GLUD1: variants seen among roughly 807,000 people sequenced by gnomAD.
The protein encoded by GLUD1 is glutamate dehydrogenase 1.
A neutral mutation model predicts 56.0 loss-of-function variants in GLUD1; 22 were observed. The observed-to-expected ratio is 0.39, with a 90% CI of 0.28 to 0.56. The LOEUF is 0.56. Ranked by LOEUF, GLUD1 falls within the 20% of genes least tolerant of loss-of-function variation. The pLI, the probability that GLUD1 is intolerant of heterozygous loss-of-function variation, is 0.58. For synonymous variants in GLUD1, 223 were observed against 269.9 expected, an observed-to-expected ratio of 0.83 and a Z score of 1.70; for missense variants, 451 against 732.0, an observed-to-expected ratio of 0.62 and a Z score of 4.43.
chr10:87,084,598 A>G (rs952620264), intron 1 of GLUD1, among the ~76,000 whole-genome samples: 5 of 152,226 alleles, frequency 3.3e-5, no homozygotes, highest in African/African-American at 9.6e-5. Context: ...GTTTTTTATA[A>G]TTAGTCATTA....
rs1846332342 is a variant in GLUD1, at chr10:87,074,561, C to T, written c.636G>A (p.Lys212=). The part of the protein sequence containing the change: ...TRRFTMELAK[K]GFIGPGIDVP... ...TGTGGCTACACATACCAATAAAGCCCTTTTTTGCTAGCTCCATGGTGAACC... is the reference window on the plus strand; with the variant it reads ...TGTGGCTACACATACCAATAAAGCCTTTTTTTGCTAGCTCCATGGTGAACC... Residue 212 remains lysine, a synonymous_variant, in exon 4 of 13, where the codon AAG becomes AAA. Coordinates refer to ENST00000277865, the MANE Select transcript of GLUD1 (RefSeq NM_005271.5). 6.3e-7 allele frequency: 1 copy of T among 1,578,290 alleles called. No individual in the cohort carries two copies. The highest frequency in any genetic ancestry group is 1.7e-5 in the Admixed American group (1 of 59,972).
chr10:87,083,207 T>C (rs1316912143), intron 1 of GLUD1, among the ~76,000 whole-genome samples: 11 of 138,636 alleles, frequency 7.9e-5, no homozygotes, highest in Admixed American at 6.6e-4. Flanking sequence ...TTTGAGACTG[T>C]CTCAAAAAAA....
At chr10:87,057,060 G>A (rs183156352) in intron 11 of GLUD1, among the ~76,000 whole-genome samples, 329 of 152,014 alleles carry the variant, frequency 2.2e-3, no homozygotes, top group African/African-American at 7.5e-3. Flanking sequence ...GTGCAATCTC[G>A]GCTAACTGCA....
At chr10:87,089,674 T>A in intron 1 of GLUD1, 1 of 981,596 alleles carries the variant, frequency 1.0e-6, no homozygotes, top group Non-Finnish European at 1.2e-6. Flanking sequence ...TAGCTCCTTC[T>A]CCTAGTTTGT....
chr10:87,062,246 T>G (rs904606350), intron 6 of GLUD1, among the ~76,000 whole-genome samples: 3 of 152,218 alleles, frequency 2.0e-5, no homozygotes, highest in African/African-American at 7.2e-5. Context: ...TAATTTCAAC[T>G]TAATTAAGAT....
At chr10:87,093,986 C>A in intron 1 of GLUD1, 1 of 1,432,146 alleles carries the variant, frequency 7.0e-7, no homozygotes, top group African/African-American at 1.4e-5. Context: ...CATTCCCTTT[C>A]CTAGAAGTGC....
intron 1 of GLUD1, among the ~76,000 whole-genome samples, chr10:87,078,356 T>G (rs1437439791): frequency 5.9e-5 from 9 of 152,240 alleles, no homozygotes. Flanking sequence ...AGGCTCCCCT[T>G]GACCACTGTA....
intron 7 of GLUD1, 41 bp from the exon 8 acceptor site, chr10:87,060,866 G>A (rs779726713): frequency 1.2e-6 from 2 of 1,613,946 alleles, no homozygotes; most frequent in South Asian, 2.2e-5. Context: ...CTGCACCAGA[G>A]TTTTAAATAT....
chr10:87,053,921 G>T (rs148602970), intron 11 of GLUD1, among the ~76,000 whole-genome samples: 1,189 of 101,646 alleles, frequency 0.012, 13 homozygotes, highest in African/African-American at 0.043. Context: ...TCTCAGCAGC[G>T]TTTTAATTTT....
chr10:87,061,745 T>A (rs777548124), intron 6 of GLUD1, among the ~76,000 whole-genome samples: 103 of 151,536 alleles, frequency 6.8e-4, no homozygotes, highest in Non-Finnish European at 1.2e-3. Flanking sequence ...GTCTCCTGAG[T>A]AGTTGGGATT....
rs1420826092 is a variant in GLUD1 at position 87,094,756 on chromosome 10, A to C, written c.14T>G (p.Leu5Arg). Residue 5 changes from leucine (L) to arginine (R), a missense_variant, in exon 1 of 13, where the codon CTG becomes CGG. Leu to Arg is a moderately radical substitution (Grantham distance 102). Around this residue, in one of 4 missense-constraint regions of GLUD1, gnomAD observed 158 missense variants for 189.7 expected, o/e 0.83. Transcript: ENST00000277865. This position sits in a 1 kb window ranked among gnomAD's most constrained non-coding sequence, Gnocchi z 6.6. MYRY[L>R]GEALLLSRAG... is the part of the protein sequence containing the mutation. ...CCGGGACAGCAACAGCGCTTCGCCC[A>C]GGTAGCGGTACATGGCCACAAGCGG... 2.0e-6 allele frequency: 3 copies of C among 1,537,200 alleles called. No individual in the cohort carries two copies. Among genetic ancestry groups the C allele is most frequent in the Non-Finnish European group, 2.6e-6 (3 of 1,139,892 alleles).
chr10:87,090,377 C>T (rs943413975), intron 1 of GLUD1, among the ~76,000 whole-genome samples: 2 of 152,134 alleles, frequency 1.3e-5, no homozygotes, highest in Admixed American at 6.5e-5. Context: ...CTAATTCTTA[C>T]AAAGTATACT....
Position 87,093,936 on chromosome 10 carries a change from AG to A in GLUD1, c.445+388del, listed in dbSNP as rs1564568700. The A allele has an allele frequency of 2.9e-6, 4 of 1,358,390 alleles. No individual in the cohort carries two copies. Among genetic ancestry groups the A allele is most frequent in the South Asian group, 2.4e-5 (2 of 81,652 alleles). 84.1% of individuals were successfully genotyped at this position (1,358,390 alleles called of 1,614,324 possible). On this transcript the variant is annotated intron_variant, in intron 1 of 12. Transcript: ENST00000277865. ...CTTGCATTTAGGGGAGACTCACAAAAGCCCAAGAACACTGACGAGGCATTAT... is the reference window on the plus strand; with the variant it reads ...CTTGCATTTAGGGGAGACTCACAAAACCCAAGAACACTGACGAGGCATTAT...
chr10:87,081,161 C>A (rs1841235974), intron 1 of GLUD1, among the ~76,000 whole-genome samples: 1 of 146,312 alleles, frequency 6.8e-6, no homozygotes. Context: ...AGGAGTCCCT[C>A]TGCCCGGCCA....
Position 87,057,724 on chromosome 10 carries a change from A to G in GLUD1, c.1461T>C (p.Ile487=), listed in dbSNP as rs373872795. 7 of 1,598,902 alleles carry G rather than the reference A, an allele frequency of 4.4e-6. No homozygotes were observed. The African/African-American group carries it at 6.7e-5, about 15-fold the overall frequency. The change falls in exon 11 of 13, where the codon ATT becomes ATC. Residue 487 remains isoleucine, a synonymous_variant. Transcript: ENST00000277865. ...KFGKHGGTIP[I]VPTAEFQDRI... ...TGTCTTGGAACTCTGCCGTGGGTAC[A>G]ATGGGAATAGTTCCACCATGCTTTC...
In GLUD1 at chr10:87,057,685, A is replaced by G. The variant is rs1299163815; in HGVS notation, c.1494+6T>C. Reference sequence around the variant, plus strand: ...TGAAGTACAACTGTGGGGTCACCACACTCACCGATATCCTGTCTTGGAACT... The same window carrying G: ...TGAAGTACAACTGTGGGGTCACCACGCTCACCGATATCCTGTCTTGGAACT... On this transcript the variant is annotated splice_donor_region_variant and intron_variant, in intron 11 of 12. Transcript: ENST00000277865. The G allele has an allele frequency of 2.1e-6, 3 of 1,460,958 alleles. No homozygotes were observed. In the South Asian group the frequency reaches 3.4e-5, roughly 17 times the overall value. 90.5% of individuals were successfully genotyped at this position (1,460,958 alleles called of 1,614,324 possible).
chr10:87,092,258 C>T (rs1289638674), intron 1 of GLUD1, among the ~76,000 whole-genome samples: 1 of 152,160 alleles, frequency 6.6e-6, no homozygotes, highest in East Asian at 1.9e-4. Context: ...GCTTTCATAG[C>T]TATGTAATCT....
chr10:87,080,622 C>T (rs1205696617), intron 1 of GLUD1, among the ~76,000 whole-genome samples: 1 of 151,458 alleles, frequency 6.6e-6, no homozygotes, highest in East Asian at 2.0e-4. Context: ...CGCCTCTGCC[C>T]GGCCGCGACC....
At chr10:87,063,675 A>G (rs1181906311) in intron 5 of GLUD1, among the ~76,000 whole-genome samples, 1 of 148,780 alleles carries the variant, frequency 6.7e-6, no homozygotes, top group African/African-American at 2.4e-5. Flanking sequence ...TTTTAATATA[A>G]CTTGATACTT....
Sources: gnomAD v4.1 joint callset for allele counts (sites outside exome capture counted in the v4.1 genomes callset) on GRCh38, gnomAD v4.1.1 for gene constraint, gnomAD v4.1.1 regional missense constraint, Gnocchi (gnomAD v3.1) non-coding constraint, MANE v1.5 for transcripts, NCBI Gene and HGNC (gene_info 2026-07-23, HGNC 2026-07-21) for gene names.